Variants in PC observed in about 807,000 individuals in gnomAD.
The protein encoded by PC is pyruvate carboxylase, mitochondrial.
A neutral mutation model predicts 107.8 loss-of-function variants in PC; 46 were observed. The ratio of observed to expected loss-of-function variants is 0.43; its 90% confidence interval spans 0.34 to 0.55. The LOEUF is 0.55. Among genes scored for constraint, PC ranks in the 20% least tolerant of loss-of-function variants. The pLI, the probability that PC is intolerant of heterozygous loss-of-function variation, is 0.04. For synonymous variants in PC, 662 were observed against 684.7 expected (o/e 0.97, Z 0.52); for missense variants, 1,241 against 1,643.1 (o/e 0.76, Z 4.23).
intron 12 of PC, among the ~76,000 whole-genome samples, chr11:66,863,296 C>T (rs980654969): frequency 1.3e-5 from 2 of 152,112 alleles, no homozygotes; most frequent in African/African-American, 4.8e-5. Flanking sequence ...GCCGAGATCG[C>T]GCCACTGCAC....
rs535145907 is a variant in PC, at chr11:66,857,502, C to T, written c.1369-4119G>A. The T allele has an allele frequency of 4.0e-6, 2 of 500,620 alleles. No homozygotes were observed. The highest frequency in any genetic ancestry group is 6.2e-5 in the East Asian group (2 of 32,152). 31.0% of individuals were successfully genotyped at this position (500,620 alleles called of 1,614,324 possible). A position where few individuals can be genotyped will look rare whatever the true frequency, so the allele number is the denominator to read the frequency against. On this transcript the variant is annotated intron_variant, in intron 12 of 22. Coordinates refer to ENST00000393960, the MANE Select transcript of PC (RefSeq NM_001040716.2). The surrounding 1 kb of genome is among the most constrained non-coding windows in gnomAD (Gnocchi z 7.1). ...CTCCGCTTCCTGCCTCATGCCTCACCTTGTCCCCAGCGCCTGGACTCCCCC... is the reference window on the plus strand; with the variant it reads ...CTCCGCTTCCTGCCTCATGCCTCACTTTGTCCCCAGCGCCTGGACTCCCCC...
intron 3 of PC, among the ~76,000 whole-genome samples, chr11:66,935,173 C>T (rs1425930008): frequency 3.3e-5 from 5 of 152,182 alleles, no homozygotes; most frequent in African/African-American, 1.2e-4. Context: ...TGGAGTACTG[C>T]CCAGTAATAA....
chr11:66,895,333 C>T (rs1171144895), intron 3 of PC, among the ~76,000 whole-genome samples: 1 of 152,204 alleles, frequency 6.6e-6, no homozygotes, highest in South Asian at 2.1e-4. Flanking sequence ...TGGACCCCCA[C>T]CTGCTCCAGC....
At position 66,853,345 on chromosome 11, in the gene PC, C is replaced by G; in HGVS notation, c.1407G>C (p.Gln469His). The change falls in exon 13 of 23, where the codon CAG (glutamine) becomes CAC (histidine). Residue 469 changes from glutamine to histidine, a missense_variant. Around this residue, in one of 2 missense-constraint regions of PC, gnomAD observed 1,143 missense variants for 1,551.9 expected, o/e 0.74. Coordinates refer to ENST00000393960, the MANE Select transcript of PC (RefSeq NM_001040716.2). Reference sequence around the variant, plus strand: ...TGTCCACAGTGCCTGCCAGGAACTGCTGGTTGTTGAGCACATTCTGCAGGA... The same window carrying G: ...TGTCCACAGTGCCTGCCAGGAACTGGTGGTTGTTGAGCACATTCTGCAGGA... Reference protein sequence around the residue: ...IAFLQNVLNNQQFLAGTVDTQ... With the variant: ...IAFLQNVLNNHQFLAGTVDTQ... The G allele has an allele frequency of 6.2e-7, 1 of 1,613,876 alleles. No individual in the cohort carries two copies. The highest frequency in any genetic ancestry group is 8.5e-7 in the Non-Finnish European group (1 of 1,179,922).
intron 1 of PC, among the ~76,000 whole-genome samples, chr11:66,954,686 T>G (rs1949517033): frequency 6.6e-6 from 1 of 152,226 alleles, no homozygotes; most frequent in Admixed American, 6.5e-5. Context: ...GGCTCACGCC[T>G]GTAATCCCAG....
At chr11:66,880,188 T>C (rs933363401) in intron 3 of PC, among the ~76,000 whole-genome samples, 2 of 152,216 alleles carry the variant, frequency 1.3e-5, no homozygotes, top group Non-Finnish European at 2.9e-5. Flanking sequence ...CCCAGGCCTT[T>C]CCAGAATCAA....
chr11:66,914,965 A>G (rs1317451708), intron 3 of PC, among the ~76,000 whole-genome samples: 1 of 152,024 alleles, frequency 6.6e-6, no homozygotes, highest in Non-Finnish European at 1.5e-5. Context: ...GGGGGAGTTC[A>G]AGGCTGCAGT....
chr11:66,946,504 C>T (rs533911121), intron 3 of PC, among the ~76,000 whole-genome samples: 1 of 152,240 alleles, frequency 6.6e-6, no homozygotes, highest in Non-Finnish European at 1.5e-5. Context: ...CCTGTAATCC[C>T]AGCTACTCGG....
At chr11:66,943,270 A>C (rs1949193055) in intron 3 of PC, among the ~76,000 whole-genome samples, 1 of 151,272 alleles carries the variant, frequency 6.6e-6, no homozygotes, top group East Asian at 2.0e-4. Flanking sequence ...TGTTGAGCCC[A>C]GGAGTCGGAG....
At chr11:66,957,110 G>C (rs1395080026) in intron 1 of PC, among the ~76,000 whole-genome samples, 3 of 152,240 alleles carry the variant, frequency 2.0e-5, no homozygotes, top group Non-Finnish European at 1.5e-5. Context: ...CCCAGCACAA[G>C]TGTTTGCATC....
rs771978441 is a variant in PC, at chr11:66,871,559, C to T, written c.322-79G>A. On this transcript the variant is annotated intron_variant, in intron 5 of 22. Transcript: ENST00000393960. This position sits in a 1 kb window ranked among gnomAD's most constrained non-coding sequence, Gnocchi z 7.4. The stretch of plus-strand genomic sequence containing the variant: ...CGGCCAGCCTCTTCCCCTGCCTAAC[C>T]TGCTGAGCTGCATCCGTTTACCCAC... 3.5e-5 allele frequency: 56 copies of T among 1,595,604 alleles called. No homozygotes were observed. The highest frequency in any genetic ancestry group is 3.3e-4 in the Middle Eastern group (2 of 6,058).
chr11:66,858,404 A>G lies in PC; in HGVS notation c.1369-5021T>C, dbSNP rs1359411546. 2 of 1,559,314 alleles carry G rather than the reference A, an allele frequency of 1.3e-6. No homozygotes were observed. The highest frequency in any genetic ancestry group is 8.6e-7 in the Non-Finnish European group (1 of 1,158,138). The stretch of plus-strand genomic sequence containing the variant: ...CGCTTTTCTCTCGTGGGCGTGATGC[A>G]GAGGCCTCTCCCGCCCCCCTGGTGC... On this transcript the variant is annotated intron_variant, in intron 12 of 22. Coordinates refer to ENST00000393960, the MANE Select transcript of PC (RefSeq NM_001040716.2). This position sits in a 1 kb window ranked among gnomAD's most constrained non-coding sequence, Gnocchi z 5.9.
rs185371645 is a variant in PC, at chr11:66,883,263, C to T, written c.1-11104G>A. Among the ~76,000 whole-genome samples, 4 of 152,280 alleles carry T rather than the reference C, an allele frequency of 2.6e-5. No individual in the cohort carries two copies. In the South Asian group the frequency reaches 6.2e-4, roughly 24 times the overall value. On this transcript the variant is annotated intron_variant, in intron 3 of 22. Coordinates refer to ENST00000393960, the MANE Select transcript of PC (RefSeq NM_001040716.2). ...TCAGAGAAAGCAGAGTGAGGGGTCC[C>T]GAGGGCCTGCAGTGAGGTGGCTGCT...
chr11:66,860,647 G>T (rs1360196639), intron 12 of PC: 5 of 701,638 alleles, frequency 7.1e-6, no homozygotes, highest in Non-Finnish European at 1.3e-5. Flanking sequence ...TGCGGCCAAG[G>T]GCTGTGCCTG....
At chr11:66,875,063 C>G (rs1291188166) in intron 3 of PC, among the ~76,000 whole-genome samples, 1 of 152,182 alleles carries the variant, frequency 6.6e-6, no homozygotes, top group Non-Finnish European at 1.5e-5. Context: ...CAGCCACAGA[C>G]AGGGCCCAGT....
At chr11:66,943,772 A>G (rs1366878961) in intron 3 of PC, among the ~76,000 whole-genome samples, 2 of 148,192 alleles carry the variant, frequency 1.3e-5, no homozygotes, top group African/African-American at 2.5e-5. Flanking sequence ...AAAAAAAAAA[A>G]AAAAAAAAAA....
At chr11:66,906,986 G>A (rs1029577403) in intron 3 of PC, among the ~76,000 whole-genome samples, 8 of 152,142 alleles carry the variant, frequency 5.3e-5, no homozygotes, top group South Asian at 4.1e-4. Flanking sequence ...AAGGAAAGCC[G>A]GGCCTTTCTG....
intron 3 of PC, among the ~76,000 whole-genome samples, chr11:66,894,278 C>T (rs1212155232): frequency 2.0e-5 from 3 of 152,148 alleles, no homozygotes; most frequent in Non-Finnish European, 4.4e-5. Flanking sequence ...CCCGGATTCT[C>T]CAGCTGCAGC....
At chr11:66,952,027 C>T (rs1407928964) in intron 3 of PC, among the ~76,000 whole-genome samples, 7 of 152,202 alleles carry the variant, frequency 4.6e-5, no homozygotes, top group Admixed American at 2.6e-4. Flanking sequence ...TCTGGAAACC[C>T]GTGTCAAGTG....
Sources: gnomAD v4.1 joint callset for allele counts (sites outside exome capture counted in the v4.1 genomes callset) on GRCh38, gnomAD v4.1.1 for gene constraint, gnomAD v4.1.1 regional missense constraint, Gnocchi (gnomAD v3.1) non-coding constraint, MANE v1.5 for transcripts, NCBI Gene and HGNC (gene_info 2026-07-23, HGNC 2026-07-21) for gene names.